The following FBN3 variants were observed in gnomAD, a reference collection of about 807,000 sequenced individuals.
FBN3 encodes fibrillin-3.
FBN3 carries 234 observed loss-of-function variants against 330.1 expected under a neutral mutation model. The ratio of observed to expected loss-of-function variants is 0.71; its 90% CI spans 0.64 to 0.79. The LOEUF is 0.79. Ranked by LOEUF, FBN3 falls within the 30% of genes least tolerant of loss-of-function variation. FBN3 has a pLI of 0.00. For missense variants in FBN3, 3,606 were observed against 3,886.9 expected, an observed-to-expected ratio of 0.93 and a Z score of 1.92; for synonymous variants, 1,458 against 1,517.3, an observed-to-expected ratio of 0.96 and a Z score of 0.91.
chr19:8,130,588 G>GAAAA (rs1398249422), intron 16 of FBN3, among the ~76,000 whole-genome samples: 260 of 10,470 alleles, frequency 0.025, 62 homozygotes, highest in South Asian at 0.13. Context: ...AAGAATGAAA[G>GAAAA]AAAGAAAGAA....
chr19:8,080,743 C>T (rs1041586699), intron 59 of FBN3, among the ~76,000 whole-genome samples: 2 of 152,084 alleles, frequency 1.3e-5, no homozygotes, highest in Admixed American at 1.3e-4. Flanking sequence ...CTCAGCTTCT[C>T]GGAGTTGCTG....
intron 56 of FBN3, among the ~76,000 whole-genome samples, chr19:8,083,608 C>G (rs1323215486): frequency 6.6e-6 from 1 of 152,012 alleles, no homozygotes; most frequent in Non-Finnish European, 1.5e-5. Context: ...CACCCCTCCC[C>G]AGCCTCAACA....
chr19:8,081,911 G>T (rs1430882276), intron 57 of FBN3, among the ~76,000 whole-genome samples: 1 of 151,944 alleles, frequency 6.6e-6, no homozygotes, highest in African/African-American at 2.4e-5. Flanking sequence ...CCCAAACAGG[G>T]TGGGGGTGGG....
Position 8,108,229 on chromosome 19 carries a change from C to T in FBN3, c.4628G>A (p.Arg1543Lys). The T allele has an allele frequency of 1.9e-6, 3 of 1,610,390 alleles. No individual in the cohort carries two copies. Among genetic ancestry groups the T allele is most frequent in the Non-Finnish European group, 2.5e-6 (3 of 1,178,776 alleles). Residue 1543 changes from arginine (R) to lysine (K), a missense_variant, in exon 37 of 64, where the codon AGA (arginine) becomes AAA (lysine). Coordinates refer to ENST00000600128, the MANE Select transcript of FBN3 (RefSeq NM_032447.5). ...GCCCTCACCACCCGGGCACAGGGTT[C>T]TGTACTCAGCTGTAAAGGGAAACAG... ...LCPMANTTEYRTLCPGGEGFQ... is the reference protein window; with the variant it reads ...LCPMANTTEYKTLCPGGEGFQ...
Position 8,136,500 on chromosome 19 carries a change from G to A in FBN3, c.1233C>T (p.Ile411=), listed in dbSNP as rs774744042. The A allele has an allele frequency of 2.4e-5, 38 of 1,614,088 alleles. No individual in the cohort carries two copies. The highest frequency in any genetic ancestry group is 3.2e-5 in the Non-Finnish European group (38 of 1,180,022). ...GTATLNQTID[I]CRHFTNLCLN... is the part of the protein sequence containing the mutation. Reference sequence around the variant, plus strand: ...GACACAGGTTGGTGAAGTGTCGGCAGATGTCAATGGTCTGGTTCAGGGTAG... The same window carrying A: ...GACACAGGTTGGTGAAGTGTCGGCAAATGTCAATGGTCTGGTTCAGGGTAG... The change falls in exon 11 of 64, where the codon ATC becomes ATT. Residue 411 remains isoleucine (I), a synonymous_variant. Coordinates refer to ENST00000600128, the MANE Select transcript of FBN3 (RefSeq NM_032447.5).
At chr19:8,106,686 T>G in intron 37 of FBN3, among the ~76,000 whole-genome samples, 1 of 151,652 alleles carries the variant, frequency 6.6e-6, no homozygotes, top group African/African-American at 2.4e-5. Flanking sequence ...GGAAGGTGGA[T>G]GGATAGGTGA....
Position 8,095,512 on chromosome 19 carries a change from G to A in FBN3, c.5657-9C>T. On this transcript the variant is annotated splice_polypyrimidine_tract_variant and intron_variant, in intron 45 of 63. Coordinates refer to ENST00000600128, the MANE Select transcript of FBN3 (RefSeq NM_032447.5). ...AGTACACTCATCAAAATCTGTAGAG[G>A]GGAGATGGGCAGGCCAGTTCACCCA... 4 of 1,612,006 alleles carry A rather than the reference G, an allele frequency of 2.5e-6. No homozygotes were observed. The South Asian group carries it at 3.3e-5, about 13-fold the overall frequency.
At chr19:8,135,936 G>GGGGGGGGGGGGGGGCGGCCCCCCCCCC in intron 13 of FBN3, 25 bp downstream of exon 13, 2 of 668,778 alleles carry the variant, frequency 3.0e-6, no homozygotes, top group Non-Finnish European at 4.8e-6. Context: ...GGAAGCCCCT[G>GGGGGGGGGGGGGGGCGGCCCCCCCCCC]CCCACCCGCC....
At chr19:8,134,608 C>T (rs1265727307) in intron 13 of FBN3, among the ~76,000 whole-genome samples, 1 of 152,056 alleles carries the variant, frequency 6.6e-6, no homozygotes, top group South Asian at 2.1e-4. Context: ...TAAAGTCCAG[C>T]CTAGGCAACA....
rs747724183 is a variant in FBN3, at chr19:8,118,912, C to T, written c.3322G>A (p.Gly1108Ser). 3 of 1,612,530 alleles carry T rather than the reference C, an allele frequency of 1.9e-6. No individual in the cohort carries two copies. The highest frequency in any genetic ancestry group is 2.5e-6 in the Non-Finnish European group (3 of 1,178,632). Residue 1108 changes from glycine to serine, a missense_variant, in exon 26 of 64, where the codon GGC becomes AGC. Gly to Ser is a moderately conservative substitution (Grantham distance 56, BLOSUM62 0). Transcript: ENST00000600128. ...CPPGHELTAK[G>S]TACEDIDECS... ...GCACACTTACCCTCACAGGCAGTGC[C>T]CTTGGCCGTCAGCTCATGCCCAGGG...
chr19:8,128,224 G>A (rs1158197355), intron 18 of FBN3, among the ~76,000 whole-genome samples: 1 of 152,164 alleles, frequency 6.6e-6, no homozygotes, highest in African/African-American at 2.4e-5. Flanking sequence ...GCCCCTGAGT[G>A]TGTACAACCA....
In FBN3 at chr19:8,131,981, T is replaced by C. The variant is rs1439799385; in HGVS notation, c.1715-152A>G. The C allele has an allele frequency of 1.2e-6, 1 of 806,610 alleles. No homozygotes were observed. Among genetic ancestry groups the C allele is most frequent in the Non-Finnish European group, 1.9e-6 (1 of 539,910 alleles). 50.0% of individuals were successfully genotyped at this position (806,610 alleles called of 1,614,324 possible). ...CAGTTTCCTGTTGTCTGTGTCTCTGTCCTCTCCTCCTCTTGTCTCCTTCCT... is the reference window on the plus strand; with the variant it reads ...CAGTTTCCTGTTGTCTGTGTCTCTGCCCTCTCCTCCTCTTGTCTCCTTCCT... On this transcript the variant is annotated intron_variant, in intron 14 of 63. Coordinates refer to ENST00000600128, the MANE Select transcript of FBN3 (RefSeq NM_032447.5). This position sits in a 1 kb window ranked among gnomAD's most constrained non-coding sequence, Gnocchi z 4.5.
Position 8,147,320 on chromosome 19 carries a change from A to T in FBN3, c.161T>A (p.Leu54Ter). The part of the protein sequence containing the change: ...RVRRRGSPGI[L>*]QGPNVCGSRF... ...CATCCCAGGTACCACGCACCCCTGC[A>T]AGATGCCTGGGCTGCCCCGCCTCCG... Residue 54 changes from leucine (L) to a stop codon, truncating the protein, a stop_gained, in exon 2 of 64, where the codon TTG (leucine) becomes TAG (stop). Transcript: ENST00000600128. LOFTEE classifies it high-confidence loss of function. 1 of 1,596,740 alleles carries T rather than the reference A, an allele frequency of 6.3e-7. No homozygotes were observed. The highest frequency in any genetic ancestry group is 8.5e-7 in the Non-Finnish European group (1 of 1,173,684).
rs2083626078 is a variant in FBN3 at position 8,149,453 on chromosome 19, GAGGCGGCGCGCGTGGAGGCGGGCACGGC to G, written c.-50_-23del. On this transcript the variant is annotated 5_prime_UTR_variant, in exon 1 of 64. Coordinates refer to ENST00000600128, the MANE Select transcript of FBN3 (RefSeq NM_032447.5). The surrounding 1 kb of genome is among the most constrained non-coding windows in gnomAD (Gnocchi z 5.5). ...TGGCCCCGCGCCTTCACCTACCTGC[GAGGCGGCGCGCGTGGAGGCGGGCACGGC>G]AGGCGGACGCGCGGGACTCAGCGCT... 1 of 152,030 alleles carries G rather than the reference GAGGCGGCGCGCGTGGAGGCGGGCACGGC, an allele frequency of 6.6e-6. No homozygotes were observed. Among genetic ancestry groups the G allele is most frequent in the South Asian group, 2.1e-4 (1 of 4,838 alleles). The allele number at this position is 152,030 out of a possible 1,614,324, so 9.4% of individuals were successfully genotyped here. A position where few individuals can be genotyped will look rare whatever the true frequency, so the allele number is the denominator to read the frequency against.
chr19:8,138,431 C>G lies in FBN3; in HGVS notation c.999G>C (p.Leu333=). 6.2e-7 allele frequency: 1 copy of G among 1,612,610 alleles called. No individual in the cohort carries two copies. The highest frequency in any genetic ancestry group is 8.5e-7 in the Non-Finnish European group (1 of 1,179,346). Residue 333 remains leucine (L), a synonymous_variant, in exon 9 of 64, where the codon CTG becomes CTC. Transcript: ENST00000600128. The stretch of plus-strand genomic sequence containing the variant: ...ACTCACTGGAGCCCCGAGGAGGACA[C>G]AGCTCAGGGACCGGGCCAGCTGCCC... ...RCWAAGPVPE[L]CPPRGSNEFQ... is the part of the protein sequence containing the mutation.
chr19:8,132,316 G>A (rs1372998686), intron 14 of FBN3, among the ~76,000 whole-genome samples: 1 of 152,094 alleles, frequency 6.6e-6, no homozygotes, highest in Admixed American at 6.6e-5. Flanking sequence ...CCAAAGTGCT[G>A]GGATTACAGG....
intron 54 of FBN3, 122 bp from the exon 55 acceptor site, chr19:8,086,447 T>TA (rs2081961278): frequency 3.1e-6 from 1 of 326,368 alleles, no homozygotes; most frequent in African/African-American, 2.5e-5. Flanking sequence ...TTTATTTATT[T>TA]TTATTATTAT....
rs187287279 is a variant in FBN3 at position 8,087,512 on chromosome 19, G to C, written c.6620-301C>G. Among the ~76,000 whole-genome samples the C allele has an allele frequency of 5.9e-5, 9 of 151,938 alleles. No individual in the cohort carries two copies. In the East Asian group the frequency reaches 1.7e-3, roughly 29 times the overall value. On this transcript the variant is annotated intron_variant, in intron 53 of 63. Transcript: ENST00000600128. ...ACAGCCCCAGAGACACTGAGTCCCA[G>C]ACCAGGGTCTCCCACGCTTGACACT... is the stretch of plus-strand genomic sequence containing the variant.
At chr19:8,133,234 T>C in intron 13 of FBN3, 128 bp from the exon 14 acceptor site, 1 of 1,219,570 alleles carries the variant, frequency 8.2e-7, no homozygotes, top group Non-Finnish European at 1.1e-6. Flanking sequence ...CAAGCTGTGG[T>C]TGTCTGTGAC....
Sources: gnomAD v4.1 joint callset for allele counts (sites outside exome capture counted in the v4.1 genomes callset) on GRCh38, gnomAD v4.1.1 for gene constraint, Gnocchi (gnomAD v3.1) non-coding constraint, MANE v1.5 for transcripts, NCBI Gene and HGNC (gene_info 2026-07-23, HGNC 2026-07-21) for gene names.